Variants in PKNOX1 observed in about 807,000 individuals in gnomAD.
PKNOX1 encodes homeobox protein PKNOX1.
A neutral mutation model predicts 51.9 loss-of-function variants in PKNOX1; 15 were observed. The ratio of observed to expected loss-of-function variants is 0.29; its 90% CI spans 0.19 to 0.45. PKNOX1 has a LOEUF of 0.45. PKNOX1 is among the 20% of genes least tolerant of loss of function. PKNOX1 has a pLI of 1.00. For missense variants in PKNOX1, 462 were observed against 547.5 expected (o/e 0.84, Z 1.56); for synonymous variants, 219 against 211.1 (o/e 1.04, Z -0.32).
At chr21:43,014,986 T>TC (rs1376979309) in intron 5 of PKNOX1, among the ~76,000 whole-genome samples, 1 of 152,256 alleles carries the variant, frequency 6.6e-6, no homozygotes, top group Non-Finnish European at 1.5e-5. Flanking sequence ...CATTAAGTCT[T>TC]CCAGTCCACA....
chr21:42,987,400 AAAAAATAT>A (rs1287103639), intron 1 of PKNOX1, among the ~76,000 whole-genome samples: 38 of 71,196 alleles, frequency 5.3e-4, no homozygotes, highest in African/African-American at 1.3e-3. Flanking sequence ...AAAAAAAAAA[AAAAAATAT>A]ATATATATAT....
At chr21:42,982,147 C>G (rs571078514) in intron 1 of PKNOX1, among the ~76,000 whole-genome samples, 1 of 152,150 alleles carries the variant, frequency 6.6e-6, no homozygotes, top group African/African-American at 2.4e-5. Context: ...CGCTGACCTT[C>G]GGGCTGGGGG....
At chr21:42,974,853 T>A (rs1328902678) in intron 1 of PKNOX1, among the ~76,000 whole-genome samples, 189 bp downstream of exon 1, 1 of 131,658 alleles carries the variant, frequency 7.6e-6, no homozygotes, top group Admixed American at 7.3e-5. Flanking sequence ...GGGGCGCGGG[T>A]GGGGGAGGGG....
In PKNOX1 at chr21:43,010,092, A is replaced by G. The variant is rs1305630646; in HGVS notation, c.219A>G (p.Lys73=). 3 of 1,576,932 alleles carry G rather than the reference A, an allele frequency of 1.9e-6. No individual in the cohort carries two copies. The highest frequency in any genetic ancestry group is 1.7e-4 in the Middle Eastern group (1 of 5,948). Residue 73 remains lysine, a synonymous_variant, in exon 4 of 11, where the codon AAA becomes AAG. Transcript: ENST00000291547. ...LFPLLALLFE[K]CEQSTQGSEG... is the part of the protein sequence containing the mutation. ...CATTATTAGCTTTGTTGTTTGAAAA[A>G]TGTGAACAATCTACACAGGGCTCTG...
intron 1 of PKNOX1, among the ~76,000 whole-genome samples, chr21:43,000,433 AAG>A (rs1167054731): frequency 2.0e-5 from 3 of 152,226 alleles, no homozygotes; most frequent in African/African-American, 4.8e-5. Context: ...GCAGCAGGCA[AAG>A]AGAGGAGAGC....
Position 43,010,109 on chromosome 21 carries a change from A to T in PKNOX1, c.236A>T (p.Gln79Leu), listed in dbSNP as rs148113718. The change falls in exon 4 of 11, where the codon CAG (glutamine) becomes CTG (leucine). Residue 79 changes from glutamine to leucine, a missense_variant. Gln to Leu is a moderately radical substitution (Grantham distance 113). Transcript: ENST00000291547. ...TTTGAAAAATGTGAACAATCTACAC[A>T]GGGCTCTGAAGGCACAACTTCTGCC... is the stretch of plus-strand genomic sequence containing the variant. ...LLFEKCEQST[Q>L]GSEGTTSASF... 4.2e-4 allele frequency: 679 copies of T among 1,603,350 alleles called. 2 individuals are homozygous for T. The highest frequency in any genetic ancestry group is 2.2e-3 in the Admixed American group (126 of 58,222).
At chr21:42,987,109 C>T (rs1238660950) in intron 1 of PKNOX1, among the ~76,000 whole-genome samples, 3 of 151,944 alleles carry the variant, frequency 2.0e-5, no homozygotes, top group Non-Finnish European at 2.9e-5. Flanking sequence ...AGGCCAGGTG[C>T]GGTGGCTCAC....
chr21:42,998,375 A>G (rs2146253364), intron 1 of PKNOX1, among the ~76,000 whole-genome samples: 1 of 152,238 alleles, frequency 6.6e-6, no homozygotes, highest in African/African-American at 2.4e-5. Flanking sequence ...TTGGGTGGGG[A>G]CACAGCCAAC....
intron 3 of PKNOX1, 178 bp downstream of exon 3, chr21:43,007,796 G>A: frequency 1.7e-6 from 1 of 605,006 alleles, no homozygotes; most frequent in South Asian, 2.0e-5. Context: ...AGGTGTGGTG[G>A]CTCATGCCTG....
intron 5 of PKNOX1, among the ~76,000 whole-genome samples, chr21:43,014,695 C>T (rs538656724): frequency 6.6e-6 from 1 of 152,298 alleles, no homozygotes; most frequent in African/African-American, 2.4e-5. Context: ...GTGTGAACCA[C>T]CATGCCTGGC....
Position 43,010,034 on chromosome 21 carries a change from T to C in PKNOX1, c.180-19T>C, listed in dbSNP as rs1979180188. 6.6e-7 allele frequency: 1 copy of C among 1,509,340 alleles called. No homozygotes were observed. Among genetic ancestry groups the C allele is most frequent in the South Asian group, 1.3e-5 (1 of 76,800 alleles). The allele number at this position is 1,509,340 out of a possible 1,614,324, so 93.5% of individuals were successfully genotyped here. A position where few individuals can be genotyped will look rare whatever the true frequency, so the allele number is the denominator to read the frequency against. On this transcript the variant is annotated intron_variant, in intron 3 of 10. Transcript: ENST00000291547. ...AGATGTAGAACGTAAATGGATTCTT[T>C]TTTTTCTTTTCTCCTCAGGCATCCA... is the stretch of plus-strand genomic sequence containing the variant.
intron 2 of PKNOX1, among the ~76,000 whole-genome samples, chr21:43,005,265 A>G (rs1220100230): frequency 1.3e-5 from 2 of 152,034 alleles, no homozygotes; most frequent in Admixed American, 1.3e-4. Context: ...CTTCGGTGGC[A>G]AGGATCAGGC....
At chr21:42,995,307 T>G (rs1428130498) in intron 1 of PKNOX1, among the ~76,000 whole-genome samples, 1 of 152,198 alleles carries the variant, frequency 6.6e-6, no homozygotes, top group African/African-American at 2.4e-5. Context: ...ACTCACAGCT[T>G]GCATTTTAGG....
chr21:43,021,165 A>G lies in PKNOX1; in HGVS notation c.721-138A>G. On this transcript the variant is annotated intron_variant, in intron 7 of 10. Transcript: ENST00000291547. The surrounding 1 kb of genome is among the most constrained non-coding windows in gnomAD (Gnocchi z 4.6). ...GCCGTGTCCTGAAACATCAGTCCACACAGGGTTCCCGTGCATGGGCCTCGA... is the reference window on the plus strand; with the variant it reads ...GCCGTGTCCTGAAACATCAGTCCACGCAGGGTTCCCGTGCATGGGCCTCGA... The G allele has an allele frequency of 1.6e-6, 1 of 624,156 alleles. No individual in the cohort carries two copies. Among genetic ancestry groups the G allele is most frequent in the Non-Finnish European group, 2.7e-6 (1 of 366,684 alleles). 38.7% of individuals were successfully genotyped at this position (624,156 alleles called of 1,614,324 possible).
In PKNOX1 at chr21:43,030,120, C is replaced by G. The variant is rs376208238; in HGVS notation, c.*19C>G. ...GCAGTAGGGGCAGGAGCAGACGCACCTGACTTTTTGGAGTTTGCACAGCAA... is the reference window on the plus strand; with the variant it reads ...GCAGTAGGGGCAGGAGCAGACGCACGTGACTTTTTGGAGTTTGCACAGCAA... On this transcript the variant is annotated 3_prime_UTR_variant, in exon 11 of 11. Transcript: ENST00000291547. The G allele has an allele frequency of 2.6e-6, 4 of 1,553,286 alleles. No individual in the cohort carries two copies. The highest frequency in any genetic ancestry group is 3.5e-6 in the Non-Finnish European group (4 of 1,140,790).
At chr21:43,028,370 G>A (rs1018977880) in intron 9 of PKNOX1, among the ~76,000 whole-genome samples, 1 of 151,974 alleles carries the variant, frequency 6.6e-6, no homozygotes, top group African/African-American at 2.4e-5. Context: ...GGAAAACAGT[G>A]TCAGATTCAC....
intron 1 of PKNOX1, among the ~76,000 whole-genome samples, chr21:42,994,919 T>TTTG: frequency 2.8e-4 from 1 of 3,532 alleles, no homozygotes; most frequent in African/African-American, 1.1e-3. Flanking sequence ...TTCTTTCTTC[T>TTTG]TTTTTTTTTT....
At position 42,993,564 on chromosome 21, in the gene PKNOX1, G is replaced by T. The variant is rs1276441216; in HGVS notation, c.-56-10762G>T. Among the ~76,000 whole-genome samples, 4 of 149,328 alleles carry T rather than the reference G, an allele frequency of 2.7e-5. No individual in the cohort carries two copies. In the Admixed American group the frequency reaches 2.7e-4, roughly 10 times the overall value. ...AATTCTAAAACTTTATGCATTTTTG[G>T]CATTTAAAAAGCCCTGGCAAGTCTA... On this transcript the variant is annotated intron_variant, in intron 1 of 10. Coordinates refer to ENST00000291547, the MANE Select transcript of PKNOX1 (RefSeq NM_004571.5).
intron 8 of PKNOX1, among the ~76,000 whole-genome samples, chr21:43,023,208 T>C (rs1381574177): frequency 6.6e-6 from 1 of 151,984 alleles, no homozygotes; most frequent in African/African-American, 2.4e-5. Flanking sequence ...TTATGAGCTT[T>C]TTAAAGGGGG....
Sources: allele counts gnomAD v4.1 joint callset (sites outside exome capture counted in the v4.1 genomes callset), GRCh38; gene constraint gnomAD v4.1.1; non-coding constraint Gnocchi (gnomAD v3.1); transcripts MANE v1.5; gene names NCBI Gene and HGNC (gene_info 2026-07-23, HGNC 2026-07-21).